The following ZNF273 variants were observed in gnomAD, a reference collection of about 807,000 sequenced individuals.
The protein encoded by ZNF273 is zinc finger protein 273, also known as zinc finger protein 9.
ZNF273 carries 11 observed loss-of-function variants against 14.9 expected under a neutral mutation model. The observed-to-expected ratio is 0.74, with a 90% CI of 0.46 to 1.22. The LOEUF is 1.22. Ranked by LOEUF, ZNF273 falls within the 50% of genes most tolerant of loss-of-function variation. ZNF273 has a pLI of 0.00. For missense variants in ZNF273, 577 were observed against 660.6 expected (o/e 0.87, Z 1.39); for synonymous variants, 199 against 223.9 (o/e 0.89, Z 0.99).
intron 1 of ZNF273, among the ~76,000 whole-genome samples, chr7:64,887,821 T>C (rs1791690223): frequency 6.6e-6 from 1 of 151,180 alleles, no homozygotes; most frequent in Non-Finnish European, 1.5e-5. Flanking sequence ...TTCTTAATAG[T>C]TCAGGGCTCT....
upstream of ZNF273, among the ~76,000 whole-genome samples, chr7:64,902,446 G>A (rs1017516316): frequency 6.6e-6 from 1 of 151,894 alleles, no homozygotes; most frequent in African/African-American, 2.4e-5. Flanking sequence ...AGTTTATTCT[G>A]AGGCCAGGCG....
chr7:64,904,260 TC>T (rs1792935519), intron 1 of ZNF273, among the ~76,000 whole-genome samples: 1 of 151,172 alleles, frequency 6.6e-6, no homozygotes, highest in Non-Finnish European at 1.5e-5. Context: ...AGCTAACTTT[TC>T]TGTATTTTAG....
At position 64,928,341 on chromosome 7, in the gene ZNF273, T is replaced by G. The variant is rs777936130; in HGVS notation, c.1013T>G (p.Ile338Arg). The G allele has an allele frequency of 1.1e-5, 17 of 1,613,422 alleles. No homozygotes were observed. Among genetic ancestry groups the G allele is most frequent in the Admixed American group, 6.7e-5 (4 of 59,954 alleles). ...SIFSTLTKHKIIHTGEKPYKC... is the reference protein window; with the variant it reads ...SIFSTLTKHKRIHTGEKPYKC... ...TTCTCAACCCTTACTAAACATAAGATAATTCATACTGGAGAGAAACCCTAC... is the reference window on the plus strand; with the variant it reads ...TTCTCAACCCTTACTAAACATAAGAGAATTCATACTGGAGAGAAACCCTAC... Residue 338 changes from isoleucine (I) to arginine (R), a missense_variant, in exon 4 of 4, where the codon ATA (isoleucine) becomes AGA (arginine). Around this residue, in one of 3 missense-constraint regions of ZNF273, gnomAD observed 411 missense variants for 440.4 expected, o/e 0.93. Transcript: ENST00000476120.
downstream of ZNF273, among the ~76,000 whole-genome samples, chr7:64,884,435 C>T (rs1378583475): frequency 2.6e-5 from 4 of 152,162 alleles, no homozygotes; most frequent in Non-Finnish European, 5.9e-5. Context: ...GTCTTGCAAT[C>T]ACCCCAGACG....
At chr7:64,917,167 GGAAA>G in intron 1 of ZNF273, 1 of 1,154,850 alleles carries the variant, frequency 8.7e-7, no homozygotes, top group African/African-American at 1.6e-5. Context: ...CAGATCTTCT[GGAAA>G]GAAAATCTGC....
Position 64,929,201 on chromosome 7 carries a change from T to C in ZNF273, c.*163T>C. ...ATAAAGAATGGAAAAGTCATTAATA[T>C]CTGCTCATATCTTAACATCAGCGAG... On this transcript the variant is annotated 3_prime_UTR_variant, in exon 4 of 4. Coordinates refer to ENST00000476120, the MANE Select transcript of ZNF273 (RefSeq NM_021148.3). The C allele has an allele frequency of 2.0e-6, 1 of 491,886 alleles. No individual in the cohort carries two copies. The highest frequency in any genetic ancestry group is 3.4e-6 in the Non-Finnish European group (1 of 293,214). 30.5% of individuals were successfully genotyped at this position (491,886 alleles called of 1,614,324 possible).
chr7:64,890,184 T>A, downstream of ZNF273: 1 of 40,414 alleles, frequency 2.5e-5, no homozygotes, highest in African/African-American at 7.3e-5. Context: ...AGGAAGCAGG[T>A]TAGGGGTGTG....
chr7:64,919,105 T>G (rs1344948371), intron 3 of ZNF273, among the ~76,000 whole-genome samples: 1 of 152,198 alleles, frequency 6.6e-6, no homozygotes, highest in African/African-American at 2.4e-5. Flanking sequence ...GTATGATGTC[T>G]TTCTACTTTG....
At chr7:64,932,652 T>C (rs1156883740), downstream of ZNF273, among the ~76,000 whole-genome samples, 1 of 152,054 alleles carries the variant, frequency 6.6e-6, no homozygotes, top group South Asian at 2.1e-4. Flanking sequence ...CTCGGCACGG[T>C]GGCTCATGCC....
At chr7:64,924,782 A>G (rs1203615557) in intron 3 of ZNF273, among the ~76,000 whole-genome samples, 3 of 150,646 alleles carry the variant, frequency 2.0e-5, no homozygotes, top group African/African-American at 7.3e-5. Context: ...TAGAAAGGCA[A>G]CTTGGATCTG....
chr7:64,879,241 C>G (rs1791188966), intron 2 of ZNF273, among the ~76,000 whole-genome samples: 2 of 152,112 alleles, frequency 1.3e-5, no homozygotes, highest in Admixed American at 6.5e-5. Context: ...CAGCTGGCTG[C>G]AGGCCAGATT....
rs762307156 is a variant in ZNF273 at position 64,929,038 on chromosome 7, G to T, written c.1710G>T (p.Ter570TyrextTer47). The change falls in exon 4 of 4, where the codon TAG becomes TAT. Residue 570 changes from the stop codon to tyrosine, a stop_lost. Transcript: ENST00000476120. ...HKRNHMGEKS[*>Y] ...GAAATCATATGGGTGAGAAATCCTA[G>T]AAATGTGAAGAATGTGACAAAGCCT... 6.8e-7 allele frequency: 1 copy of T among 1,477,756 alleles called. No individual in the cohort carries two copies. The highest frequency in any genetic ancestry group is 1.4e-5 in the South Asian group (1 of 72,742). 91.5% of individuals were successfully genotyped at this position (1,477,756 alleles called of 1,614,324 possible).
upstream of ZNF273, among the ~76,000 whole-genome samples, chr7:64,899,661 A>G (rs961592593): frequency 3.9e-5 from 6 of 152,196 alleles, no homozygotes; most frequent in Non-Finnish European, 5.9e-5. Flanking sequence ...CTCAAAAAAA[A>G]AAAAGAAAAA....
downstream of ZNF273, among the ~76,000 whole-genome samples, chr7:64,931,302 A>G (rs1396822069): frequency 6.6e-6 from 1 of 152,170 alleles, no homozygotes; most frequent in Admixed American, 6.5e-5. Flanking sequence ...TTACTGTAAA[A>G]TATTATGGCT....
downstream of ZNF273, among the ~76,000 whole-genome samples, chr7:64,891,419 AC>A (rs1792031334): frequency 6.6e-6 from 1 of 152,192 alleles, no homozygotes; most frequent in Non-Finnish European, 1.5e-5. Flanking sequence ...CAGGCACAGC[AC>A]AGCCAGAACC....
At chr7:64,915,116 C>T (rs1310751692) in intron 1 of ZNF273, among the ~76,000 whole-genome samples, 1 of 152,114 alleles carries the variant, frequency 6.6e-6, no homozygotes, top group Non-Finnish European at 1.5e-5. Flanking sequence ...TACTTCTTTC[C>T]TATATACCAG....
intron 1 of ZNF273, among the ~76,000 whole-genome samples, chr7:64,905,504 A>G (rs1401116558): frequency 6.9e-6 from 1 of 144,532 alleles, no homozygotes; most frequent in African/African-American, 2.6e-5. Flanking sequence ...CATTTCTTGG[A>G]GACAGATTGC....
downstream of ZNF273, among the ~76,000 whole-genome samples, chr7:64,882,340 C>T (rs1791285917): frequency 6.6e-6 from 1 of 152,204 alleles, no homozygotes; most frequent in Admixed American, 6.5e-5. Context: ...GGAGACGCCC[C>T]AGGAGGCCCT....
At chr7:64,888,367 T>TATGAAG in intron 1 of ZNF273, 1 of 985,166 alleles carries the variant, frequency 1.0e-6, no homozygotes, top group Non-Finnish European at 1.2e-6. Context: ...GGAAGCGGGT[T>TATGAAG]ATGAAGATGA....
Sources: gnomAD v4.1 joint callset for allele counts (sites outside exome capture counted in the v4.1 genomes callset) on GRCh38, gnomAD v4.1.1 for gene constraint, gnomAD v4.1.1 regional missense constraint, MANE v1.5 for transcripts, NCBI Gene and HGNC (gene_info 2026-07-23, HGNC 2026-07-21) for gene names.